BARX2: variants seen among roughly 807,000 people sequenced by gnomAD.
BARX2 encodes the protein homeobox protein BarH-like 2.
BARX2 carries 11 observed loss-of-function variants against 25.5 expected under a neutral mutation model. That is an observed-to-expected ratio of 0.43 (90% confidence interval 0.27 to 0.71). The LOEUF is 0.71. BARX2 is among the 30% of genes least tolerant of loss of function. The pLI is 0.19. For missense variants in BARX2, 360 were observed against 359.9 expected, an observed-to-expected ratio of 1.00 and a Z score of 0.00; for synonymous variants, 137 against 149.5, an observed-to-expected ratio of 0.92 and a Z score of 0.61.
chr11:129,439,254 G>C (rs921042280), intron 2 of BARX2, among the ~76,000 whole-genome samples: 3 of 152,164 alleles, frequency 2.0e-5, no homozygotes, highest in Admixed American at 2.0e-4. Flanking sequence ...TGGGAACAGA[G>C]AGGCAGGAAT....
chr11:129,415,872 A>G (rs1484921062), intron 1 of BARX2, among the ~76,000 whole-genome samples: 1 of 152,260 alleles, frequency 6.6e-6, no homozygotes, highest in East Asian at 1.9e-4. Flanking sequence ...TAGTGACTCA[A>G]GTCCCACCAG....
At chr11:129,433,651 G>A (rs1187356343) in intron 1 of BARX2, among the ~76,000 whole-genome samples, 1 of 152,008 alleles carries the variant, frequency 6.6e-6, no homozygotes, top group Admixed American at 6.6e-5. Flanking sequence ...CTGGGGCTGG[G>A]GTGCTTGTCC....
At chr11:129,439,912 A>ATT (rs10694005) in intron 2 of BARX2, among the ~76,000 whole-genome samples, 19,370 of 151,030 alleles carry the variant, frequency 0.13, 1,332 homozygotes, top group Middle Eastern at 0.18. Flanking sequence ...AAGTCAGAGA[A>ATT]TTTTTTTTTT....
intron 1 of BARX2, among the ~76,000 whole-genome samples, chr11:129,381,263 G>T (rs1861561152): frequency 6.6e-6 from 1 of 152,088 alleles, no homozygotes; most frequent in African/African-American, 2.4e-5. Context: ...CTTGGTGATG[G>T]CATTGTCATT....
chr11:129,422,383 C>CCA (rs56842132), intron 1 of BARX2, among the ~76,000 whole-genome samples: 20,980 of 152,210 alleles, frequency 0.14, 1,900 homozygotes, highest in East Asian at 0.34. Flanking sequence ...ACTGCCTCCT[C>CCA]CAACTCCTCG....
intron 1 of BARX2, among the ~76,000 whole-genome samples, chr11:129,408,501 C>T (rs1414691268): frequency 6.6e-6 from 1 of 152,178 alleles, no homozygotes; most frequent in Non-Finnish European, 1.5e-5. Flanking sequence ...ATGACCTGGC[C>T]CTGCCTGTCT....
intron 2 of BARX2, 159 bp from the exon 3 acceptor site, chr11:129,442,676 G>A (rs1294953067): frequency 9.8e-6 from 7 of 713,714 alleles, no homozygotes; most frequent in African/African-American, 1.7e-5. Flanking sequence ...TGGATTCTTG[G>A]AAGGAAAGAA....
chr11:129,382,543 C>T (rs1286245467), intron 1 of BARX2, among the ~76,000 whole-genome samples: 1 of 152,152 alleles, frequency 6.6e-6, no homozygotes, highest in Non-Finnish European at 1.5e-5. Context: ...GTCTTCCTTG[C>T]CACACGTCCT....
chr11:129,407,389 T>C (rs1861842056), intron 1 of BARX2, among the ~76,000 whole-genome samples: 1 of 152,190 alleles, frequency 6.6e-6, no homozygotes, highest in African/African-American at 2.4e-5. Context: ...AGCAATTCCT[T>C]AGATGACGTT....
chr11:129,420,240 G>A (rs1861989576), intron 1 of BARX2, among the ~76,000 whole-genome samples: 1 of 152,080 alleles, frequency 6.6e-6, no homozygotes, highest in Non-Finnish European at 1.5e-5. Flanking sequence ...TTTTGGATTG[G>A]CTGTTAATAC....
intron 1 of BARX2, among the ~76,000 whole-genome samples, chr11:129,423,087 T>C (rs1862024375): frequency 6.6e-6 from 1 of 151,450 alleles, no homozygotes; most frequent in South Asian, 2.1e-4. Context: ...AGGATTAGAA[T>C]GTGTAGGGAG....
intron 1 of BARX2, among the ~76,000 whole-genome samples, chr11:129,422,282 A>G (rs1862012936): frequency 1.3e-5 from 2 of 152,114 alleles, no homozygotes; most frequent in South Asian, 2.1e-4. Flanking sequence ...TTATGCATTT[A>G]TTTAATTAAA....
intron 1 of BARX2, among the ~76,000 whole-genome samples, chr11:129,380,385 T>A (rs572142174): frequency 1.3e-5 from 2 of 152,264 alleles, no homozygotes; most frequent in East Asian, 3.9e-4. Context: ...AAAAATTAAA[T>A]GCGGTGCAGG....
At chr11:129,446,116 G>A (rs1472358888) in intron 3 of BARX2, among the ~76,000 whole-genome samples, 2 of 152,126 alleles carry the variant, frequency 1.3e-5, no homozygotes, top group Non-Finnish European at 2.9e-5. Context: ...GCATATTTAA[G>A]ATGGGATGCG....
intron 1 of BARX2, among the ~76,000 whole-genome samples, chr11:129,412,276 A>AC (rs201597080): frequency 0.029 from 4,466 of 152,002 alleles, 225 homozygotes; most frequent in African/African-American, 0.1. Flanking sequence ...CATCTCAAAA[A>AC]AAAAAAACAA....
intron 1 of BARX2, among the ~76,000 whole-genome samples, chr11:129,396,841 C>T (rs1008402738): frequency 1.3e-5 from 2 of 152,114 alleles, no homozygotes; most frequent in African/African-American, 4.8e-5. Flanking sequence ...CAAGATGCCC[C>T]AGAAGAAAGA....
chr11:129,413,759 C>T (rs1474486740), intron 1 of BARX2, among the ~76,000 whole-genome samples: 1 of 151,950 alleles, frequency 6.6e-6, no homozygotes, highest in African/African-American at 2.4e-5. Context: ...CTAGAGACAG[C>T]AGGGATGTGA....
chr11:129,435,009 TAAAG>T (rs1862173388), intron 1 of BARX2, among the ~76,000 whole-genome samples: 1 of 152,240 alleles, frequency 6.6e-6, no homozygotes, highest in Non-Finnish European at 1.5e-5. Context: ...ATTAGCCTGC[TAAAG>T]AAAGATAGTC....
intron 2 of BARX2, among the ~76,000 whole-genome samples, chr11:129,442,293 C>T (rs1180363808): frequency 3.3e-5 from 5 of 152,008 alleles, no homozygotes; most frequent in Admixed American, 6.5e-5. Context: ...AGAAATAACA[C>T]AGTTGGAGTG....
Sources: gnomAD v4.1 joint callset for allele counts (sites outside exome capture counted in the v4.1 genomes callset) on GRCh38, gnomAD v4.1.1 for gene constraint, MANE v1.5 for transcripts, NCBI Gene and HGNC (gene_info 2026-07-23, HGNC 2026-07-21) for gene names.